DENND6A: variants seen among roughly 807,000 people sequenced by gnomAD.
The protein encoded by DENND6A is protein DENND6A.
A neutral mutation model predicts 95.5 loss-of-function variants in DENND6A; 43 were observed. That is an observed-to-expected ratio of 0.45 (90% CI 0.35 to 0.58). The LOEUF is 0.58. DENND6A is among the 20% of genes least tolerant of loss of function. The pLI is 0.00. For synonymous variants in DENND6A, 257 were observed against 260.4 expected, an observed-to-expected ratio of 0.99 and a Z score of 0.13; for missense variants, 574 against 736.0, an observed-to-expected ratio of 0.78 and a Z score of 2.55.
Position 57,632,359 on chromosome 3 carries a change from G to C in DENND6A, c.1353+906C>G, listed in dbSNP as rs1294601990. 2.6e-5 allele frequency among the ~76,000 whole-genome samples: 4 copies of C among 151,222 alleles called. No individual in the cohort carries two copies. In the East Asian group the frequency reaches 7.8e-4, roughly 29 times the overall value. On this transcript the variant is annotated intron_variant, in intron 15 of 19. Coordinates refer to ENST00000311128, the MANE Select transcript of DENND6A (RefSeq NM_152678.3). ...TTTTTTTTAAGAGAGTCTTGCTGTT[G>C]CCCAGGATGGAGTGCAGTCGTGCAA...
At chr3:57,642,876 G>T (rs1047996148) in intron 11 of DENND6A, among the ~76,000 whole-genome samples, 28 of 151,984 alleles carry the variant, frequency 1.8e-4, no homozygotes, top group Non-Finnish European at 3.1e-4. Context: ...TGTGGTGGCA[G>T]GCGCCTGTAA....
intron 3 of DENND6A, among the ~76,000 whole-genome samples, chr3:57,668,836 T>C (rs919747470): frequency 1.3e-5 from 2 of 152,184 alleles, no homozygotes; most frequent in Admixed American, 6.5e-5. Flanking sequence ...TTAAAGGTTA[T>C]CCTGGGAAAT....
chr3:57,662,426 C>G (rs115814767), intron 5 of DENND6A, among the ~76,000 whole-genome samples: 3,888 of 152,004 alleles, frequency 0.026, 171 homozygotes, highest in African/African-American at 0.088. Context: ...TGGTCTCAAA[C>G]TCCTAGACTT....
chr3:57,633,285 GTGTC>G lies in DENND6A; in HGVS notation c.1329_1332del (p.Thr444LysfsTer7), dbSNP rs2153412210. The G allele has an allele frequency of 6.2e-7, 1 of 1,613,468 alleles. No individual in the cohort carries two copies. The highest frequency in any genetic ancestry group is 1.1e-5 in the South Asian group (1 of 91,004). ...CTTACTAATGGAATGATGAAACTTT[GTGTC>G]AGTTCCAAAAAATAGCGTCGAAGAA... On this transcript the variant is annotated frameshift_variant, in exon 15 of 20. Coordinates refer to ENST00000311128, the MANE Select transcript of DENND6A (RefSeq NM_152678.3). LOFTEE classifies it high-confidence loss of function.
chr3:57,669,243 CA>C (rs2071574921), intron 3 of DENND6A, among the ~76,000 whole-genome samples: 1 of 152,024 alleles, frequency 6.6e-6, no homozygotes, highest in Admixed American at 6.6e-5. Flanking sequence ...ATAGCAATTT[CA>C]AATATTTACA....
intron 9 of DENND6A, among the ~76,000 whole-genome samples, chr3:57,653,577 T>G (rs539598351): frequency 6.6e-6 from 1 of 151,838 alleles, no homozygotes; most frequent in Non-Finnish European, 1.5e-5. Flanking sequence ...AAACCCCGTC[T>G]CTACTAAAAA....
At chr3:57,646,463 T>C (rs2071082387) in intron 9 of DENND6A, 25 bp from the exon 10 acceptor site, 1 of 1,586,200 alleles carries the variant, frequency 6.3e-7, no homozygotes, top group African/African-American at 1.4e-5. Context: ...ACAGTAGAAA[T>C]ACTTTTTAAT....
At chr3:57,645,160 A>G (rs941282049) in intron 11 of DENND6A, among the ~76,000 whole-genome samples, 1 of 152,150 alleles carries the variant, frequency 6.6e-6, no homozygotes. Flanking sequence ...TATAGCTTCC[A>G]TTAATAAATA....
chr3:57,656,458 A>C (rs1346645158), intron 9 of DENND6A, among the ~76,000 whole-genome samples: 1 of 152,070 alleles, frequency 6.6e-6, no homozygotes, highest in East Asian at 1.9e-4. Flanking sequence ...GTATAGTTTT[A>C]TACTGTTATG....
chr3:57,680,734 A>G (rs2077156807), intron 1 of DENND6A, among the ~76,000 whole-genome samples: 1 of 152,230 alleles, frequency 6.6e-6, no homozygotes. Context: ...CAATTTTCAA[A>G]TGGGCACAAA....
chr3:57,692,664 C>A, intron 1 of DENND6A, 118 bp downstream of exon 1: 2 of 946,580 alleles, frequency 2.1e-6, no homozygotes, highest in Non-Finnish European at 2.9e-6. Context: ...GGGAGACTGG[C>A]CACGCCCGGA....
intron 9 of DENND6A, among the ~76,000 whole-genome samples, chr3:57,648,674 G>A (rs2071130784): frequency 6.6e-6 from 1 of 152,156 alleles, no homozygotes; most frequent in African/African-American, 2.4e-5. Flanking sequence ...TAGGCATATA[G>A]ACCAATGGAA....
Position 57,660,793 on chromosome 3 carries a change from T to C in DENND6A, c.666A>G (p.Thr222=). The change falls in exon 7 of 20, where the codon ACA becomes ACG. Residue 222 remains threonine (T), a synonymous_variant. Transcript: ENST00000311128. ...DRWPAPVPGK[T]LHLPIMGVVM... is the part of the protein sequence containing the mutation. ...CCACCCCCATGATTGGCAGGTGTAATGTTTTCCCTGGCACTGGGGCAGGCC... is the reference window on the plus strand; with the variant it reads ...CCACCCCCATGATTGGCAGGTGTAACGTTTTCCCTGGCACTGGGGCAGGCC... 1 of 1,610,380 alleles carries C rather than the reference T, an allele frequency of 6.2e-7. No individual in the cohort carries two copies. Among genetic ancestry groups the C allele is most frequent in the Admixed American group, 1.7e-5 (1 of 59,670 alleles).
Position 57,693,033 on chromosome 3 carries a change from CCGTT to C in DENND6A, c.-19_-16del, listed in dbSNP as rs1383094555. On this transcript the variant is annotated 5_prime_UTR_variant, in exon 1 of 20. Coordinates refer to ENST00000311128, the MANE Select transcript of DENND6A (RefSeq NM_152678.3). Reference sequence around the variant, plus strand: ...CTCAAAGCCATCGGCCGCCCCCTGACCGTTCGCGCCGCCTCCACAGCGGACCGCG... The same window carrying C: ...CTCAAAGCCATCGGCCGCCCCCTGACCGCGCCGCCTCCACAGCGGACCGCG... The C allele has an allele frequency of 4.4e-5, 62 of 1,394,542 alleles. No individual in the cohort carries two copies. The highest frequency in any genetic ancestry group is 5.5e-5 in the Non-Finnish European group (60 of 1,084,248). 86.4% of individuals were successfully genotyped at this position (1,394,542 alleles called of 1,614,324 possible).
intron 1 of DENND6A, among the ~76,000 whole-genome samples, chr3:57,680,583 T>C (rs2077155707): frequency 6.6e-6 from 1 of 152,204 alleles, no homozygotes; most frequent in Non-Finnish European, 1.5e-5. Flanking sequence ...AATAAACAGA[T>C]ATTGTTTATA....
At chr3:57,660,898 T>C in intron 6 of DENND6A, 59 bp from the exon 7 acceptor site, 3 of 1,431,766 alleles carry the variant, frequency 2.1e-6, no homozygotes, top group Admixed American at 4.9e-5. Flanking sequence ...GTATTAAAAA[T>C]GAGGCATTAG....
chr3:57,652,056 A>AAAAT (rs944688592), intron 9 of DENND6A, among the ~76,000 whole-genome samples: 1 of 152,130 alleles, frequency 6.6e-6, no homozygotes, highest in African/African-American at 2.4e-5. Context: ...AATAAAAATA[A>AAAAT]AAATAAATAA....
At chr3:57,661,573 T>C (rs2071424724) in intron 5 of DENND6A, 22 bp from the exon 6 acceptor site, 2 of 1,544,664 alleles carry the variant, frequency 1.3e-6, no homozygotes, top group South Asian at 2.5e-5. Flanking sequence ...ACAAAAACAA[T>C]GTTTTAAAAA....
intron 1 of DENND6A, among the ~76,000 whole-genome samples, chr3:57,675,104 C>T (rs1489680763): frequency 2.6e-5 from 4 of 152,054 alleles, no homozygotes; most frequent in Non-Finnish European, 5.9e-5. Flanking sequence ...GTTTATGTAA[C>T]AAACTTTTAC....
Sources: gnomAD v4.1 joint callset for allele counts (sites outside exome capture counted in the v4.1 genomes callset) on GRCh38, gnomAD v4.1.1 for gene constraint, MANE v1.5 for transcripts, NCBI Gene and HGNC (gene_info 2026-07-23, HGNC 2026-07-21) for gene names.